The following GLRA2 variants were observed in gnomAD, a reference collection of about 807,000 sequenced individuals.
The protein encoded by GLRA2 is glycine receptor subunit alpha-2.
In GLRA2, 11 loss-of-function variants were observed where a neutral mutation model predicts 31.6. The ratio of observed to expected loss-of-function variants is 0.35; its 90% CI spans 0.22 to 0.58. The LOEUF (loss-of-function observed/expected upper bound fraction) is 0.58. GLRA2 is among the 20% of genes least tolerant of loss of function. The pLI, the probability that GLRA2 is intolerant of heterozygous loss-of-function variation, is 0.84. For synonymous variants in GLRA2, 132 were observed against 134.0 expected, an observed-to-expected ratio of 0.99 and a Z score of 0.10; for missense variants, 212 against 351.8, an observed-to-expected ratio of 0.60 and a Z score of 3.18.
the GLRA2 span, among the ~76,000 whole-genome samples, chrX:14,487,385 T>C: frequency 1.3e-5 from 1 of 74,501 alleles, no homozygotes; most frequent in South Asian, 6.6e-4. Flanking sequence ...ATTGGTTTTC[T>C]GTAAAAAAAA....
intron 7 of GLRA2, among the ~76,000 whole-genome samples, chrX:14,676,519 G>A (rs1237293824): frequency 8.9e-6 from 1 of 111,979 alleles, no homozygotes; most frequent in Non-Finnish European, 1.9e-5. Flanking sequence ...CAGTTCTCTG[G>A]GGTCAGCCTA....
At chrX:14,634,511 T>C (rs757121053) in intron 7 of GLRA2, among the ~76,000 whole-genome samples, 2 of 112,095 alleles carry the variant, frequency 1.8e-5, no homozygotes, top group South Asian at 7.5e-4. Flanking sequence ...TTCTGCCTTA[T>C]ATTATGGTTA....
intron 4 of GLRA2, among the ~76,000 whole-genome samples, chrX:14,587,449 T>C (rs933292476): frequency 1.8e-5 from 2 of 112,318 alleles, no homozygotes; most frequent in African/African-American, 6.5e-5. Context: ...TTGCAGTATC[T>C]GTTGCTTTTT....
intron 7 of GLRA2, among the ~76,000 whole-genome samples, chrX:14,629,001 C>T (rs1414628556): frequency 3.6e-5 from 4 of 111,457 alleles, no homozygotes; most frequent in Non-Finnish European, 7.5e-5. Flanking sequence ...AGGCGAGATA[C>T]TGGCTGTCGG....
intron 7 of GLRA2, among the ~76,000 whole-genome samples, chrX:14,630,543 A>T (rs925093367): frequency 9.0e-6 from 1 of 111,408 alleles, no homozygotes; most frequent in Non-Finnish European, 1.9e-5. Flanking sequence ...ATTTTTCTGT[A>T]CCCTTTTCTG....
intron 7 of GLRA2, among the ~76,000 whole-genome samples, chrX:14,686,000 T>G (rs2091272734): frequency 8.9e-6 from 1 of 112,056 alleles, no homozygotes; most frequent in Non-Finnish European, 1.9e-5. Flanking sequence ...CCAGAGATTC[T>G]GGTATGTTGT....
At chrX:14,565,451 A>G (rs757575414) in intron 2 of GLRA2, among the ~76,000 whole-genome samples, 6 of 111,535 alleles carry the variant, frequency 5.4e-5, no homozygotes, top group Non-Finnish European at 9.4e-5. Flanking sequence ...GAAGTCTCCA[A>G]CTATTACTGT....
chrX:14,562,256 C>A, intron 2 of GLRA2, among the ~76,000 whole-genome samples: 1 of 112,251 alleles, frequency 8.9e-6, no homozygotes. Context: ...AAGTTTACAG[C>A]AACCAAATGT....
the GLRA2 span, among the ~76,000 whole-genome samples, chrX:14,502,986 C>G: frequency 9.0e-6 from 1 of 110,644 alleles, no homozygotes; most frequent in Non-Finnish European, 1.9e-5. Flanking sequence ...CTTGTTCAAC[C>G]TCAGCTGGGA....
chrX:14,683,876 A>C (rs2147172564), intron 7 of GLRA2, among the ~76,000 whole-genome samples: 1 of 109,701 alleles, frequency 9.1e-6, no homozygotes, highest in Non-Finnish European at 1.9e-5. Context: ...GTGCACATGT[A>C]CCCTAAAACT....
At chrX:14,467,787 GA>G in the GLRA2 span, among the ~76,000 whole-genome samples, 1 of 109,761 alleles carries the variant, frequency 9.1e-6, no homozygotes, top group African/African-American at 3.3e-5. Flanking sequence ...AGGTAATGAG[GA>G]AAAAAACCTC....
At chrX:14,461,794 CTT>C in the GLRA2 span, among the ~76,000 whole-genome samples, 11 of 112,094 alleles carry the variant, frequency 9.8e-5, no homozygotes, top group Non-Finnish European at 2.1e-4. Context: ...GGTCTTGACT[CTT>C]TATCCATTGT....
the GLRA2 span, among the ~76,000 whole-genome samples, chrX:14,505,211 G>T: frequency 2.7e-5 from 3 of 111,984 alleles, no homozygotes; most frequent in Admixed American, 2.8e-4. Context: ...AGTTCCAAAG[G>T]CTGAAGGATT....
the GLRA2 span, among the ~76,000 whole-genome samples, chrX:14,511,585 T>C: frequency 8.9e-6 from 1 of 112,094 alleles, no homozygotes; most frequent in African/African-American, 3.2e-5. Context: ...AATCTTGTTT[T>C]CTTCATTCAC....
intron 3 of GLRA2, among the ~76,000 whole-genome samples, chrX:14,578,451 T>A (rs1258562575): frequency 4.5e-5 from 5 of 112,224 alleles, no homozygotes; most frequent in Admixed American, 9.4e-5. Flanking sequence ...ATGGATATAT[T>A]ATTCAAAAAT....
intron 2 of GLRA2, among the ~76,000 whole-genome samples, chrX:14,553,820 C>A (rs145718937): frequency 0.015 from 1,729 of 112,008 alleles, 42 homozygotes; most frequent in African/African-American, 0.051. Flanking sequence ...TCTGAGGAGT[C>A]CTTCTATACT....
In GLRA2 at chrX:14,602,322, G is replaced by A. The variant is rs763904179; in HGVS notation, c.495-1993G>A. On this transcript the variant is annotated intron_variant, in intron 4 of 8. Coordinates refer to ENST00000218075, the MANE Select transcript of GLRA2 (RefSeq NM_002063.4). ...AGTGGAGCAGAGTAACCCCTTCTGG[G>A]TGCAGAGAGCTGAAGACTATGTACA... 3.6e-5 allele frequency among the ~76,000 whole-genome samples: 4 copies of A among 110,983 alleles called. No homozygotes were observed. The South Asian group carries it at 1.5e-3, about 43-fold the overall frequency.
chrX:14,620,228 C>T (rs990966729), intron 7 of GLRA2, among the ~76,000 whole-genome samples: 4 of 108,501 alleles, frequency 3.7e-5, no homozygotes, highest in Admixed American at 9.9e-5. Flanking sequence ...ACTATTTTTA[C>T]CTCAGCTTTG....
the GLRA2 span, among the ~76,000 whole-genome samples, chrX:14,508,175 C>G: frequency 2.7e-5 from 3 of 112,002 alleles, no homozygotes; most frequent in Non-Finnish European, 5.6e-5. Context: ...CAAAACATAG[C>G]TCAGAAAATC....
Sources: allele counts gnomAD v4.1 joint callset (sites outside exome capture counted in the v4.1 genomes callset), GRCh38; gene constraint gnomAD v4.1.1; transcripts MANE v1.5; gene names NCBI Gene and HGNC (gene_info 2026-07-23, HGNC 2026-07-21).